The following IGFL2 variants were observed in gnomAD, a reference collection of about 807,000 sequenced individuals.
IGFL2 encodes IGF like family member 2.
Under a neutral mutation model 13.9 loss-of-function variants are expected in IGFL2, and 7 were observed. That is an observed-to-expected ratio of 0.51 (90% CI 0.29 to 0.95). The LOEUF (loss-of-function observed/expected upper bound fraction) is 0.95, where lower values mean the gene tolerates loss of function less well. Ranked by LOEUF, IGFL2 falls within the 40% of genes least tolerant of loss-of-function variation. The probability of loss-of-function intolerance (pLI) is 0.08; values close to 1 mark genes in which losing one functional copy is unlikely to be tolerated. For synonymous variants in IGFL2, 55 were observed against 55.8 expected, an observed-to-expected ratio of 0.99 and a Z score of 0.07; for missense variants, 138 against 147.8, an observed-to-expected ratio of 0.93 and a Z score of 0.34.
downstream of IGFL2, chr19:46,161,318 CTTTTTTTT>C (rs71175262): frequency 1.1e-4 from 27 of 239,094 alleles, no homozygotes; most frequent in Non-Finnish European, 1.6e-4. Flanking sequence ...CGTCTCCTTT[CTTTTTTTT>C]TTTTTTTTTT....
chr19:46,145,071 G>A (rs1973049231), upstream of IGFL2, among the ~76,000 whole-genome samples: 1 of 152,066 alleles, frequency 6.6e-6, no homozygotes, highest in African/African-American at 2.4e-5. Context: ...GCTATTACAA[G>A]TAAAATACTA....
the IGFL2 span, among the ~76,000 whole-genome samples, chr19:46,106,872 G>C: frequency 6.6e-6 from 1 of 152,122 alleles, no homozygotes; most frequent in Non-Finnish European, 1.5e-5. Flanking sequence ...GCCAAGGAGG[G>C]AGTAGAGGGA....
the IGFL2 span, among the ~76,000 whole-genome samples, chr19:46,130,295 CTGTT>C: frequency 6.6e-6 from 1 of 152,112 alleles, no homozygotes; most frequent in East Asian, 1.9e-4. Context: ...TTCAGGTTCA[CTGTT>C]TATTTAAACC....
chr19:46,156,301 C>T (rs1041945843), intron 1 of IGFL2, among the ~76,000 whole-genome samples: 2 of 152,180 alleles, frequency 1.3e-5, no homozygotes, highest in Non-Finnish European at 2.9e-5. Context: ...TAGTATCTTT[C>T]AGCAGAGTTT....
the IGFL2 span, among the ~76,000 whole-genome samples, chr19:46,173,027 G>A: frequency 5.3e-5 from 8 of 152,166 alleles, no homozygotes; most frequent in African/African-American, 1.7e-4. Flanking sequence ...TCTGGGAGAC[G>A]GACTAGCATT....
chr19:46,083,877 A>G, the IGFL2 span, among the ~76,000 whole-genome samples: 320 of 152,324 alleles, frequency 2.1e-3, 1 homozygote, highest in African/African-American at 7.1e-3. Context: ...GGAATAGTCA[A>G]TTATGTAAGG....
chr19:46,172,559 C>G, the IGFL2 span, among the ~76,000 whole-genome samples: 1 of 152,250 alleles, frequency 6.6e-6, no homozygotes, highest in African/African-American at 2.4e-5. Context: ...TCAAATGAGC[C>G]TCCCACCTCA....
At chr19:46,149,109 T>G in intron 1 of IGFL2, 1 of 1,189,716 alleles carries the variant, frequency 8.4e-7, no homozygotes, top group Non-Finnish European at 1.2e-6. Flanking sequence ...CAATGCCTGC[T>G]GTGTTCACTA....
At chr19:46,136,378 G>A in the IGFL2 span, among the ~76,000 whole-genome samples, 1 of 152,116 alleles carries the variant, frequency 6.6e-6, no homozygotes, top group Non-Finnish European at 1.5e-5. Context: ...TAGGCAGAAT[G>A]TGGGCATCTT....
upstream of IGFL2, among the ~76,000 whole-genome samples, chr19:46,146,823 A>G (rs115282308): frequency 0.014 from 2,133 of 152,208 alleles, 55 homozygotes; most frequent in African/African-American, 0.049. Flanking sequence ...TCAGGTCCAG[A>G]ACTCTTCTAC....
At chr19:46,135,402 G>GTTTA in the IGFL2 span, among the ~76,000 whole-genome samples, 1 of 152,078 alleles carries the variant, frequency 6.6e-6, no homozygotes, top group African/African-American at 2.4e-5. Flanking sequence ...TAACTACAGG[G>GTTTA]TTTAACTCAT....
the IGFL2 span, among the ~76,000 whole-genome samples, chr19:46,205,264 T>C: frequency 6.6e-6 from 1 of 152,110 alleles, no homozygotes; most frequent in African/African-American, 2.4e-5. Context: ...GCCACAGACA[T>C]AGAAAGGCAG....
At chr19:46,172,953 A>C in the IGFL2 span, among the ~76,000 whole-genome samples, 2 of 152,124 alleles carry the variant, frequency 1.3e-5, no homozygotes, top group Non-Finnish European at 2.9e-5. Flanking sequence ...TCTATGTAAT[A>C]TAGGTTTATA....
At chr19:46,110,615 A>C in the IGFL2 span, among the ~76,000 whole-genome samples, 4 of 152,366 alleles carry the variant, frequency 2.6e-5, no homozygotes, top group South Asian at 8.3e-4. Context: ...CAGAGAATCC[A>C]TAAAAATACA....
the IGFL2 span, chr19:46,208,666 C>T: frequency 2.6e-5 from 4 of 152,034 alleles, no homozygotes; most frequent in Non-Finnish European, 4.4e-5. Context: ...ATGCTGTTCT[C>T]CTGATAGTGG....
At chr19:46,133,706 G>A in the IGFL2 span, among the ~76,000 whole-genome samples, 2 of 152,194 alleles carry the variant, frequency 1.3e-5, no homozygotes, top group African/African-American at 4.8e-5. Context: ...AGTAAATTTT[G>A]CTTCTAAGAG....
chr19:46,145,598 A>ATGTGTGTGTGTG (rs765380139), upstream of IGFL2, among the ~76,000 whole-genome samples: 726 of 138,380 alleles, frequency 5.2e-3, 5 homozygotes, highest in African/African-American at 0.02. Flanking sequence ...ACACTCATAT[A>ATGTGTGTGTGTG]TATGTGTGTG....
chr19:46,137,574 C>A, the IGFL2 span: 1 of 1,042,694 alleles, frequency 9.6e-7, no homozygotes. Context: ...GTCTCACTGC[C>A]AGATGCTGCA....
chr19:46,192,491 C>T, the IGFL2 span, among the ~76,000 whole-genome samples: 1 of 151,116 alleles, frequency 6.6e-6, no homozygotes, highest in Non-Finnish European at 1.5e-5. Flanking sequence ...ATGATCTCAG[C>T]TCACTGCAAC....
Sources: gnomAD v4.1 joint callset for allele counts (sites outside exome capture counted in the v4.1 genomes callset) on GRCh38, gnomAD v4.1.1 for gene constraint, MANE v1.5 for transcripts, NCBI Gene and HGNC (gene_info 2026-07-23, HGNC 2026-07-21) for gene names.